EVL: variants seen among roughly 807,000 people sequenced by gnomAD.
EVL encodes Enah/Vasp-like.
Under a neutral mutation model 59.6 loss-of-function variants are expected in EVL, and 21 were observed. The ratio of observed to expected loss-of-function variants is 0.35; its 90% CI spans 0.25 to 0.51. The LOEUF (loss-of-function observed/expected upper bound fraction) is 0.51, where lower values mean the gene tolerates loss of function less well. Among genes scored for constraint, EVL ranks in the 20% least tolerant of loss-of-function variants. The probability of loss-of-function intolerance (pLI) is 0.97; values close to 1 mark genes in which losing one functional copy is unlikely to be tolerated. For synonymous variants in EVL, 198 were observed against 203.5 expected (o/e 0.97, Z 0.23); for missense variants, 462 against 546.6 (o/e 0.85, Z 1.54).
chr14:100,076,194 C>T (rs567477704), intron 1 of EVL, among the ~76,000 whole-genome samples: 7 of 152,342 alleles, frequency 4.6e-5, no homozygotes, highest in East Asian at 1.9e-4. Context: ...GGGATGCTTT[C>T]GCTGCCATTC....
intron 3 of EVL, among the ~76,000 whole-genome samples, chr14:100,121,541 G>C (rs528420523): frequency 1.2e-4 from 19 of 152,352 alleles, no homozygotes; most frequent in African/African-American, 4.3e-4. Context: ...GTGCAATCAA[G>C]TGTTATCCTT....
intron 1 of EVL, among the ~76,000 whole-genome samples, chr14:99,991,112 CCCT>C (rs1251215984): frequency 2.6e-5 from 4 of 152,208 alleles, no homozygotes; most frequent in African/African-American, 7.2e-5. Context: ...ATCAACCCCT[CCCT>C]CCTCTTCAGC....
intron 1 of EVL, among the ~76,000 whole-genome samples, chr14:100,013,677 G>C (rs1028627222): frequency 6.6e-6 from 1 of 152,198 alleles, no homozygotes; most frequent in Non-Finnish European, 1.5e-5. Flanking sequence ...TCCATTTGTG[G>C]CTCCTTGTGT....
chr14:100,012,941 A>G (rs192277441), intron 1 of EVL, among the ~76,000 whole-genome samples: 129 of 152,348 alleles, frequency 8.5e-4, no homozygotes, highest in African/African-American at 3.1e-3. Flanking sequence ...AAATGGGATA[A>G]TTTGAGGATA....
intron 1 of EVL, among the ~76,000 whole-genome samples, chr14:100,037,182 G>A (rs534292636): frequency 4.3e-4 from 65 of 152,194 alleles, no homozygotes; most frequent in Non-Finnish European, 8.7e-4. Flanking sequence ...AAGAAAGAAA[G>A]AAGAAGAAGG....
chr14:99,982,800 GTTTAA>G (rs2060815901), intron 1 of EVL, among the ~76,000 whole-genome samples: 1 of 152,194 alleles, frequency 6.6e-6, no homozygotes, highest in Non-Finnish European at 1.5e-5. Context: ...AAATGTTTTA[GTTTAA>G]TTTAACCCCT....
intron 3 of EVL, among the ~76,000 whole-genome samples, chr14:100,115,509 C>T (rs902390751): frequency 6.6e-6 from 1 of 152,220 alleles, no homozygotes; most frequent in Non-Finnish European, 1.5e-5. Flanking sequence ...GGTCAGTCCC[C>T]CACTCTCTGA....
intron 1 of EVL, among the ~76,000 whole-genome samples, chr14:100,031,174 A>G (rs888176553): frequency 6.6e-6 from 1 of 152,210 alleles, no homozygotes; most frequent in East Asian, 1.9e-4. Flanking sequence ...GGGAAGGCCC[A>G]TTGCAATCTA....
At chr14:100,099,015 A>G (rs1271707026) in intron 3 of EVL, among the ~76,000 whole-genome samples, 1 of 152,086 alleles carries the variant, frequency 6.6e-6, no homozygotes, top group Non-Finnish European at 1.5e-5. Flanking sequence ...ATGAAGAGAC[A>G]TAGTACTCAG....
chr14:100,092,890 C>G (rs931188445), intron 2 of EVL, among the ~76,000 whole-genome samples: 1 of 152,172 alleles, frequency 6.6e-6, no homozygotes, highest in Non-Finnish European at 1.5e-5. Context: ...TAAGAACAGA[C>G]ACATTTTGCC....
chr14:100,142,680 T>C (rs1889261896), intron 13 of EVL, among the ~76,000 whole-genome samples: 1 of 151,988 alleles, frequency 6.6e-6, no homozygotes, highest in African/African-American at 2.4e-5. Flanking sequence ...GGCCCACCCT[T>C]GTTTGAGCAG....
At chr14:100,004,637 TTAAA>T (rs2060967057) in intron 1 of EVL, among the ~76,000 whole-genome samples, 1 of 152,216 alleles carries the variant, frequency 6.6e-6, no homozygotes, top group African/African-American at 2.4e-5. Context: ...TCCCTCTTTC[TTAAA>T]TAACCAGTCA....
At chr14:99,976,959 C>G (rs902159512) in intron 1 of EVL, among the ~76,000 whole-genome samples, 2 of 152,108 alleles carry the variant, frequency 1.3e-5, no homozygotes, top group East Asian at 3.9e-4. Context: ...CCCAGCGTTT[C>G]TAGTTCTTTT....
intron 2 of EVL, among the ~76,000 whole-genome samples, chr14:100,087,986 C>G (rs952324991): frequency 2.6e-5 from 4 of 152,212 alleles, no homozygotes; most frequent in African/African-American, 9.6e-5. Context: ...ATTTTCAAGT[C>G]TCTGAAGGGT....
intron 1 of EVL, chr14:100,019,763 T>A: frequency 7.2e-7 from 1 of 1,379,736 alleles, no homozygotes; most frequent in Non-Finnish European, 9.8e-7. Flanking sequence ...TAATGACAGC[T>A]TAGGCTCTGG....
chr14:100,025,552 A>G lies in EVL; in HGVS notation c.5+53495A>G, dbSNP rs544980880. 3.3e-5 allele frequency among the ~76,000 whole-genome samples: 5 copies of G among 152,288 alleles called. No individual in the cohort carries two copies. In the East Asian group the frequency reaches 9.7e-4, roughly 29 times the overall value. On this transcript the variant is annotated intron_variant, in intron 1 of 13. Coordinates refer to the EVL transcript ENST00000402714. ...TTTGCCAGATCACATATCACCATCT[A>G]TATACTGTAGCTTTAAATTTTATAT...
At chr14:100,082,214 T>C (rs980715279) in intron 1 of EVL, among the ~76,000 whole-genome samples, 2 of 151,508 alleles carry the variant, frequency 1.3e-5, no homozygotes, top group Non-Finnish European at 2.9e-5. Context: ...GGTTTATAAT[T>C]ACTCATCTGA....
At chr14:100,068,648 C>A (rs1367658305) in intron 1 of EVL, among the ~76,000 whole-genome samples, 1 of 152,128 alleles carries the variant, frequency 6.6e-6, no homozygotes. Context: ...CAGGAAGTGC[C>A]GTGGTGCTGT....
chr14:100,092,975 T>A (rs926121020), intron 2 of EVL, among the ~76,000 whole-genome samples: 2 of 152,210 alleles, frequency 1.3e-5, no homozygotes, highest in African/African-American at 4.8e-5. Flanking sequence ...TGAAGCAGCC[T>A]CACCCAAAAG....
Sources: allele counts gnomAD v4.1 joint callset (sites outside exome capture counted in the v4.1 genomes callset), GRCh38; gene constraint gnomAD v4.1.1; transcripts MANE v1.5; gene names NCBI Gene and HGNC (gene_info 2026-07-23, HGNC 2026-07-21).